Variants in SBK1 observed in about 807,000 individuals in gnomAD.
SBK1 encodes the protein SH3 domain binding kinase 1, also known as serine/threonine-protein kinase SBK1.
A neutral mutation model predicts 24.4 loss-of-function variants in SBK1; 11 were observed. The ratio of observed to expected loss-of-function variants is 0.45; its 90% confidence interval spans 0.28 to 0.75. The LOEUF is 0.75. Ranked by LOEUF, SBK1 falls within the 30% of genes least tolerant of loss-of-function variation. The probability of loss-of-function intolerance (pLI) is 0.12; values close to 1 mark genes in which losing one functional copy is unlikely to be tolerated. For synonymous variants in SBK1, 308 were observed against 284.4 expected (o/e 1.08, Z -0.83); for missense variants, 467 against 620.5 (o/e 0.75, Z 2.63).
chr16:28,314,287 G>A (rs1235969449), intron 1 of SBK1, among the ~76,000 whole-genome samples: 1 of 150,118 alleles, frequency 6.7e-6, no homozygotes, highest in East Asian at 2.0e-4. Context: ...CTCCTGAGTA[G>A]CTGGGACCAC....
At chr16:28,268,758 G>C (rs1328357608) in intron 1 of SBK1, among the ~76,000 whole-genome samples, 1 of 151,576 alleles carries the variant, frequency 6.6e-6, no homozygotes, top group East Asian at 2.0e-4. Flanking sequence ...GCGAGACTCT[G>C]TCTCGAAAAA....
intron 1 of SBK1, among the ~76,000 whole-genome samples, chr16:28,273,029 TGA>T (rs2044476305): frequency 6.6e-6 from 1 of 152,136 alleles, no homozygotes; most frequent in Non-Finnish European, 1.5e-5. Context: ...TTGGCTATTG[TGA>T]ATATTGTTGT....
intron 1 of SBK1, among the ~76,000 whole-genome samples, chr16:28,313,947 A>T (rs908805936): frequency 6.6e-6 from 1 of 150,512 alleles, no homozygotes; most frequent in Non-Finnish European, 1.5e-5. Flanking sequence ...CCCAGCCTCC[A>T]GCAATGCCCA....
At chr16:28,259,068 T>TG (rs1357146202), upstream of SBK1, 15 of 152,128 alleles carry the variant, frequency 9.9e-5, no homozygotes, top group South Asian at 4.1e-4. This position sits in a 1 kb window ranked among gnomAD's most constrained non-coding sequence, Gnocchi z 6.0. Flanking sequence ...CAGGGGCAGT[T>TG]GGGGGGGCAC....
chr16:28,305,005 G>A (rs1177811204), intron 1 of SBK1, among the ~76,000 whole-genome samples: 8 of 152,070 alleles, frequency 5.3e-5, no homozygotes, highest in African/African-American at 1.9e-4. Context: ...CACCTCCCGG[G>A]TTCAAGTGAT....
chr16:28,260,980 G>A (rs1253152558), intron 1 of SBK1, among the ~76,000 whole-genome samples: 3 of 152,166 alleles, frequency 2.0e-5, no homozygotes, highest in Admixed American at 2.0e-4. Flanking sequence ...GGAACGGCAA[G>A]AGGGAAGGCT....
Position 28,320,707 on chromosome 16 carries a change from C to T in SBK1, c.1061C>T (p.Thr354Met). The part of the protein sequence containing the change: ...RLEAPGPLKR[T>M]VLTESGSGSR... ...GAGGCGCCTGGGCCGCTCAAGCGGA[C>T]GGTGCTGACCGAGAGCGGCAGCGGC... Residue 354 changes from threonine to methionine, a missense_variant, in exon 4 of 4, where the codon ACG becomes ATG. Around this residue, in one of 4 missense-constraint regions of SBK1, gnomAD observed 166 missense variants for 146.8 expected, o/e 1.13. Transcript: ENST00000341901. The surrounding 1 kb of genome is among the most constrained non-coding windows in gnomAD (Gnocchi z 8.5). The T allele has an allele frequency of 8.9e-7, 1 of 1,121,534 alleles. No homozygotes were observed. Among genetic ancestry groups the T allele is most frequent in the Non-Finnish European group, 1.1e-6 (1 of 914,562 alleles). The allele number at this position is 1,121,534 out of a possible 1,614,324, so 69.5% of individuals were successfully genotyped here. A position where few individuals can be genotyped will look rare whatever the true frequency, so the allele number is the denominator to read the frequency against.
At position 28,320,659 on chromosome 16, in the gene SBK1, C is replaced by T; in HGVS notation, c.1013C>T (p.Pro338Leu). ...CGCAAGCCCCCCGGGGACCGCCCGC[C>T]CGCCGCCGGGCCACTGCGCCTCGAG... is the stretch of plus-strand genomic sequence containing the variant. ...RARKPPGDRPPAAGPLRLEAP... is the reference protein window; with the variant it reads ...RARKPPGDRPLAAGPLRLEAP... The change falls in exon 4 of 4, where the codon CCC (proline) becomes CTC (leucine). Residue 338 changes from proline (P) to leucine (L), a missense_variant. Around this residue, in one of 4 missense-constraint regions of SBK1, gnomAD observed 166 missense variants for 146.8 expected, o/e 1.13. Coordinates refer to ENST00000341901, the MANE Select transcript of SBK1 (RefSeq NM_001024401.3). This position sits in a 1 kb window ranked among gnomAD's most constrained non-coding sequence, Gnocchi z 8.5. 9.1e-7 allele frequency: 1 copy of T among 1,098,978 alleles called. No individual in the cohort carries two copies. Among genetic ancestry groups the T allele is most frequent in the Non-Finnish European group, 1.1e-6 (1 of 903,094 alleles). The allele number at this position is 1,098,978 out of a possible 1,614,324, so 68.1% of individuals were successfully genotyped here.
At position 28,317,710 on chromosome 16, in the gene SBK1, G is replaced by T; in HGVS notation, c.226+93G>T. 1.1e-6 allele frequency: 1 copy of T among 871,170 alleles called. No individual in the cohort carries two copies. Among genetic ancestry groups the T allele is most frequent in the Non-Finnish European group, 1.9e-6 (1 of 534,960 alleles). 54.0% of individuals were successfully genotyped at this position (871,170 alleles called of 1,614,324 possible). On this transcript the variant is annotated intron_variant, in intron 2 of 3. Coordinates refer to ENST00000341901, the MANE Select transcript of SBK1 (RefSeq NM_001024401.3). This position sits in a 1 kb window ranked among gnomAD's most constrained non-coding sequence, Gnocchi z 4.2. ...GGACATGACCTTGCAGCTGGGCCGG[G>T]GCTCTCTGGTGCTCTGTGGAAGCCA...
chr16:28,280,149 A>ATATGTGTG (rs1230385223), intron 1 of SBK1, among the ~76,000 whole-genome samples: 25 of 39,406 alleles, frequency 6.3e-4, no homozygotes, highest in African/African-American at 1.4e-3. Context: ...ATATATATAT[A>ATATGTGTG]TGTGTGTGTG....
rs55860114 is a variant in SBK1, at chr16:28,321,182, AACACACACACAC to A, written c.*306_*317del. 0.02 allele frequency: 3,855 copies of A among 191,874 alleles called. 151 individuals carry two copies. Among genetic ancestry groups the A allele is most frequent in the East Asian group, 0.078 (443 of 5,680 alleles). The allele number at this position is 191,874 out of a possible 1,614,324, so 11.9% of individuals were successfully genotyped here. On this transcript the variant is annotated 3_prime_UTR_variant, in exon 4 of 4. Transcript: ENST00000341901. The stretch of plus-strand genomic sequence containing the variant: ...CCCGAGAATTCGGAGGCCACCACAC[AACACACACACAC>A]ACACACACACACACACACACACACA...
At chr16:28,296,586 G>A (rs1157539384) in intron 1 of SBK1, among the ~76,000 whole-genome samples, 1 of 152,104 alleles carries the variant, frequency 6.6e-6, no homozygotes, top group Non-Finnish European at 1.5e-5. Context: ...GCACTCATGG[G>A]TGTTCCCTCC....
chr16:28,315,176 C>G (rs1410154238), intron 1 of SBK1, among the ~76,000 whole-genome samples: 1 of 151,334 alleles, frequency 6.6e-6, no homozygotes, highest in East Asian at 1.9e-4. Context: ...GTCTACCTCT[C>G]TCCATTTACA....
intron 1 of SBK1, among the ~76,000 whole-genome samples, chr16:28,309,923 A>C (rs1215866906): frequency 6.6e-6 from 1 of 152,168 alleles, no homozygotes; most frequent in Non-Finnish European, 1.5e-5. Context: ...TGGGGAGAGC[A>C]ACAAGGACTC....
intron 1 of SBK1, among the ~76,000 whole-genome samples, chr16:28,316,242 C>T (rs1419358619): frequency 3.3e-5 from 5 of 152,110 alleles, no homozygotes; most frequent in African/African-American, 4.8e-5. Flanking sequence ...ACCACGTGGC[C>T]AAGGTATGTG....
chr16:28,320,471 G>T lies in SBK1; in HGVS notation c.825G>T (p.Pro275=). 1 of 1,574,460 alleles carries T rather than the reference G, an allele frequency of 6.4e-7. No homozygotes were observed. Among genetic ancestry groups the T allele is most frequent in the African/African-American group, 1.4e-5 (1 of 73,440 alleles). Residue 275 remains proline (P), a synonymous_variant, in exon 4 of 4, where the codon CCG becomes CCT. Coordinates refer to ENST00000341901, the MANE Select transcript of SBK1 (RefSeq NM_001024401.3). This position sits in a 1 kb window ranked among gnomAD's most constrained non-coding sequence, Gnocchi z 8.5. ...TGCGCTGGCAGCGGGGCCGCCTGCC[G>T]GGGCTGCCTTCGCAGTGGCGCCGCT... ...EFVRWQRGRL[P]GLPSQWRRFT...
At chr16:28,270,924 C>T (rs767060367) in intron 1 of SBK1, among the ~76,000 whole-genome samples, 4 of 151,934 alleles carry the variant, frequency 2.6e-5, no homozygotes, top group East Asian at 1.9e-4. Context: ...AGTGCAACAG[C>T]GTGCTCTCCG....
chr16:28,293,577 A>G (rs1334032540), intron 1 of SBK1, among the ~76,000 whole-genome samples: 1 of 148,740 alleles, frequency 6.7e-6, no homozygotes, highest in Non-Finnish European at 1.5e-5. Flanking sequence ...AGAGGGGGGA[A>G]GAGGGCGGAG....
rs1344049283 is a variant in SBK1 at position 28,261,475 on chromosome 16, ACAC to A, written c.257+1974_257+1976del. 2.1e-4 allele frequency among the ~76,000 whole-genome samples: 31 copies of A among 146,350 alleles called. 1 individual carries two copies. In the East Asian group the frequency reaches 2.8e-3, roughly 13 times the overall value. On this transcript the variant is annotated intron_variant, in intron 1 of 3. Coordinates refer to the SBK1 transcript ENST00000671413. ...CACACACACACACACACACACACAC[ACAC>A]AATTAGCCAGGCATGGTGGCATGCA...
Sources: gnomAD v4.1 joint callset for allele counts (sites outside exome capture counted in the v4.1 genomes callset) on GRCh38, gnomAD v4.1.1 for gene constraint, gnomAD v4.1.1 regional missense constraint, Gnocchi (gnomAD v3.1) non-coding constraint, MANE v1.5 for transcripts, NCBI Gene and HGNC (gene_info 2026-07-23, HGNC 2026-07-21) for gene names.